Variants in EFNB2 observed in about 807,000 individuals in gnomAD.
EFNB2 encodes the protein ephrin B2.
In EFNB2, 5 loss-of-function variants were observed where a neutral mutation model predicts 32.1. That is an observed-to-expected ratio of 0.16 (90% CI 0.08 to 0.33). The LOEUF (loss-of-function observed/expected upper bound fraction) is 0.33, where lower values mean the gene tolerates loss of function less well. EFNB2 is among the 10% of genes least tolerant of loss of function. The probability of loss-of-function intolerance (pLI) is 1.00; values close to 1 mark genes in which losing one functional copy is unlikely to be tolerated. For missense variants in EFNB2, 263 were observed against 422.6 expected (o/e 0.62, Z 3.31); for synonymous variants, 168 against 166.5 (o/e 1.01, Z -0.07).
Position 106,535,114 on chromosome 13 carries a change from C to T in EFNB2, c.-150G>A, listed in dbSNP as rs1278400210. On this transcript the variant is annotated 5_prime_UTR_variant, in exon 1 of 5. Coordinates refer to ENST00000646441, the MANE Select transcript of EFNB2 (RefSeq NM_004093.4). ...AGGCGCGCTGCGCAGCTCCAGCGGT[C>T]GCCGGGCCAGGTGCGCTCGCTCTCC... 1 of 1,062,292 alleles carries T rather than the reference C, an allele frequency of 9.4e-7. No homozygotes were observed. Among genetic ancestry groups the T allele is most frequent in the East Asian group, 3.4e-5 (1 of 29,272 alleles). The allele number at this position is 1,062,292 out of a possible 1,614,324, so 65.8% of individuals were successfully genotyped here.
intron 1 of EFNB2, chr13:106,521,526 G>A (rs545059474): frequency 3.9e-5 from 6 of 152,340 alleles, no homozygotes; most frequent in South Asian, 4.1e-4. Flanking sequence ...AGCTGCGTGT[G>A]ATGCTGTGTA....
At chr13:106,523,803 T>C (rs1879614072) in intron 1 of EFNB2, among the ~76,000 whole-genome samples, 1 of 152,204 alleles carries the variant, frequency 6.6e-6, no homozygotes, top group Non-Finnish European at 1.5e-5. Flanking sequence ...TTCTCAGCTC[T>C]GACAAGCTGG....
At position 106,493,896 on chromosome 13, in the gene EFNB2, C is replaced by G. The variant is rs772418970; in HGVS notation, c.614-468G>C. Among the ~76,000 whole-genome samples, 4 of 152,224 alleles carry G rather than the reference C, an allele frequency of 2.6e-5. No individual in the cohort carries two copies. The highest frequency in any genetic ancestry group is 4.8e-5 in the African/African-American group (2 of 41,454). On this transcript the variant is annotated intron_variant, in intron 4 of 4. Transcript: ENST00000646441. This position sits in a 1 kb window ranked among gnomAD's most constrained non-coding sequence, Gnocchi z 6.1. ...AGAAGAGCCCTGCCTCCTGGCAGAA[C>G]AGAACAGCTCGGGAACGCGGAAGGA...
intron 1 of EFNB2, among the ~76,000 whole-genome samples, chr13:106,514,262 C>T (rs1298183410): frequency 6.6e-6 from 1 of 152,010 alleles, no homozygotes. Context: ...ATTTTTATAA[C>T]AATGATATAT....
intron 1 of EFNB2, among the ~76,000 whole-genome samples, chr13:106,525,482 C>T (rs947873581): frequency 2.6e-4 from 40 of 152,300 alleles, no homozygotes; most frequent in African/African-American, 9.1e-4. Flanking sequence ...GAGCAATGGC[C>T]GGATGCAGAG....
At chr13:106,523,785 T>C (rs1485335311) in intron 1 of EFNB2, among the ~76,000 whole-genome samples, 1 of 152,178 alleles carries the variant, frequency 6.6e-6, no homozygotes. Context: ...CTGGACTTGA[T>C]TTGAGTCTTC....
intron 1 of EFNB2, chr13:106,519,704 T>G (rs1014342926): frequency 2.0e-5 from 3 of 152,214 alleles, no homozygotes; most frequent in Admixed American, 2.0e-4. Flanking sequence ...ACACCGCCTT[T>G]ACCTGAGACC....
At chr13:106,496,334 G>T (rs1184429296) in intron 2 of EFNB2, among the ~76,000 whole-genome samples, 2 of 152,192 alleles carry the variant, frequency 1.3e-5, no homozygotes, top group Admixed American at 6.5e-5. Flanking sequence ...TAGACCAGGA[G>T]CCTCCCACAA....
chr13:106,509,627 C>CTGTGTGTGTGTGTGTGTGTGTGTG (rs34068695), intron 2 of EFNB2, among the ~76,000 whole-genome samples: 7 of 142,570 alleles, frequency 4.9e-5, no homozygotes, highest in African/African-American at 1.3e-4. Flanking sequence ...CAGAGCTTGA[C>CTGTGTGTGTGTGTGTGTGTGTGTG]TGTGTGTGTG....
chr13:106,528,917 G>A (rs7331473), intron 1 of EFNB2, among the ~76,000 whole-genome samples: 42,591 of 152,060 alleles, frequency 0.28, 6,781 homozygotes, highest in East Asian at 0.7. Flanking sequence ...CTAACAGCCT[G>A]CCCCATTCAA....
intron 3 of EFNB2, among the ~76,000 whole-genome samples, chr13:106,495,392 G>A (rs966122892): frequency 1.3e-5 from 2 of 152,214 alleles, no homozygotes; most frequent in African/African-American, 2.4e-5. Flanking sequence ...ATTCAGAAAT[G>A]AGCAAAACTG....
At position 106,512,507 on chromosome 13, in the gene EFNB2, AAATG is replaced by A. The variant is rs1460613096; in HGVS notation, c.406+18_406+21del. 3 of 1,442,856 alleles carry A rather than the reference AAATG, an allele frequency of 2.1e-6. No homozygotes were observed. The highest frequency in any genetic ancestry group is 2.8e-6 in the Non-Finnish European group (3 of 1,074,966). 89.4% of individuals were successfully genotyped at this position (1,442,856 alleles called of 1,614,324 possible). On this transcript the variant is annotated intron_variant, in intron 2 of 4. Coordinates refer to ENST00000646441, the MANE Select transcript of EFNB2 (RefSeq NM_004093.4). ...TAGCTTATCTTAATTTCTATAAAAT[AAATG>A]AATAAAATTATACTTACATATAATG...
At chr13:106,528,683 G>T (rs1319597094) in intron 1 of EFNB2, among the ~76,000 whole-genome samples, 2 of 152,156 alleles carry the variant, frequency 1.3e-5, no homozygotes, top group African/African-American at 4.8e-5. Context: ...GGCTTGACCC[G>T]ATTGCGGATG....
intron 2 of EFNB2, among the ~76,000 whole-genome samples, chr13:106,497,407 T>A (rs559531581): frequency 1.1e-3 from 164 of 151,950 alleles, no homozygotes; most frequent in Non-Finnish European, 1.8e-3. Context: ...GCAGACAGTA[T>A]CTGTTTGTAG....
rs1878466424 is a variant in EFNB2, at chr13:106,493,105, G to A, written c.937C>T (p.His313Tyr). 1 of 1,613,898 alleles carries A rather than the reference G, an allele frequency of 6.2e-7. No individual in the cohort carries two copies. Among genetic ancestry groups the A allele is most frequent in the African/African-American group, 1.3e-5 (1 of 74,952 alleles). The change falls in exon 5 of 5, where the codon CAC (histidine) becomes TAC (tyrosine). Residue 313 changes from histidine (H) to tyrosine (Y), a missense_variant. Coordinates refer to ENST00000646441, the MANE Select transcript of EFNB2 (RefSeq NM_004093.4). This position sits in a 1 kb window ranked among gnomAD's most constrained non-coding sequence, Gnocchi z 6.1. Reference protein sequence around the residue: ...HYEKVSGDYGHPVYIVQEMPP... With the variant: ...HYEKVSGDYGYPVYIVQEMPP... ...ATCTCCTGGACGATGTACACCGGGTGCCCGTAGTCCCCGCTGACCTTCTCG... is the reference window on the plus strand; with the variant it reads ...ATCTCCTGGACGATGTACACCGGGTACCCGTAGTCCCCGCTGACCTTCTCG...
intron 1 of EFNB2, among the ~76,000 whole-genome samples, chr13:106,528,952 C>A (rs886829408): frequency 6.6e-6 from 1 of 152,162 alleles, no homozygotes; most frequent in Admixed American, 6.5e-5. Context: ...CTCACATTTA[C>A]GAGTAAAATT....
chr13:106,503,274 A>G (rs1286855599), intron 2 of EFNB2, among the ~76,000 whole-genome samples: 1 of 152,204 alleles, frequency 6.6e-6, no homozygotes, highest in South Asian at 2.1e-4. Context: ...ATAAAAAACA[A>G]AACAAAAAAA....
At chr13:106,534,213 C>T (rs963349192) in intron 1 of EFNB2, among the ~76,000 whole-genome samples, 2 of 152,148 alleles carry the variant, frequency 1.3e-5, no homozygotes, top group Non-Finnish European at 2.9e-5. Flanking sequence ...GCCTAAGGCC[C>T]GTCTCCCCGG....
rs574442344 is a variant in EFNB2, at chr13:106,530,978, CAT to C, written c.122+3863_122+3864del. Among the ~76,000 whole-genome samples the C allele has an allele frequency of 5.3e-5, 8 of 152,352 alleles. 1 individual carries two copies. In the South Asian group the frequency reaches 1.7e-3, roughly 32 times the overall value. ...TCTGTCTGGAGGAACCATTCAAACA[CAT>C]AGTTTTTAGCAAGCTGGTCTCCAGG... is the stretch of plus-strand genomic sequence containing the variant. On this transcript the variant is annotated intron_variant, in intron 1 of 4. Transcript: ENST00000646441.
Sources: gnomAD v4.1 joint callset for allele counts (sites outside exome capture counted in the v4.1 genomes callset) on GRCh38, gnomAD v4.1.1 for gene constraint, Gnocchi (gnomAD v3.1) non-coding constraint, MANE v1.5 for transcripts, NCBI Gene and HGNC (gene_info 2026-07-23, HGNC 2026-07-21) for gene names.